Variants in SPOP observed in about 807,000 individuals in gnomAD.
SPOP encodes the protein speckle type BTB/POZ protein, also known as speckle-type POZ protein.
A neutral mutation model predicts 45.6 loss-of-function variants in SPOP; 11 were observed. That is an observed-to-expected ratio of 0.24 (90% CI 0.15 to 0.40). The LOEUF is 0.40. Among genes scored for constraint, SPOP ranks in the 10% least tolerant of loss-of-function variants. The probability of loss-of-function intolerance (pLI) is 1.00; values close to 1 mark genes in which losing one functional copy is unlikely to be tolerated. For missense variants in SPOP, 152 were observed against 465.6 expected, an observed-to-expected ratio of 0.33 and a Z score of 6.20; for synonymous variants, 166 against 166.3, an observed-to-expected ratio of 1.00 and a Z score of 0.01.
chr17:49,675,030 AAAC>A (rs1415092784), intron 1 of SPOP, among the ~76,000 whole-genome samples: 1 of 152,228 alleles, frequency 6.6e-6, no homozygotes, highest in Non-Finnish European at 1.5e-5. Context: ...GTTGGTGAGA[AAAC>A]AGGCAGACTC....
chr17:49,641,263 C>CCAAAAA (rs1471499104), intron 1 of SPOP, among the ~76,000 whole-genome samples: 1 of 47,548 alleles, frequency 2.1e-5, no homozygotes, highest in African/African-American at 7.8e-5. Flanking sequence ...ACTCTGTCTC[C>CCAAAAA]AAAAAAAAAA....
chr17:49,649,243 A>G (rs1055047455), intron 1 of SPOP, among the ~76,000 whole-genome samples: 1 of 152,162 alleles, frequency 6.6e-6, no homozygotes, highest in Non-Finnish European at 1.5e-5. Context: ...TAATTGATAG[A>G]AAGTAAACTA....
At chr17:49,664,719 G>A (rs2073030741) in intron 1 of SPOP, among the ~76,000 whole-genome samples, 1 of 152,170 alleles carries the variant, frequency 6.6e-6, no homozygotes, top group African/African-American at 2.4e-5. Context: ...ACCTGGGGCA[G>A]GTATCTGGCC....
At chr17:49,613,827 G>T (rs1162200221) in intron 5 of SPOP, among the ~76,000 whole-genome samples, 1 of 152,174 alleles carries the variant, frequency 6.6e-6, no homozygotes, top group Non-Finnish European at 1.5e-5. Context: ...GTTTTCCTCT[G>T]CAAATGATGA....
At chr17:49,624,613 C>T (rs540387599) in intron 1 of SPOP, among the ~76,000 whole-genome samples, 2 of 151,992 alleles carry the variant, frequency 1.3e-5, no homozygotes, top group Non-Finnish European at 2.9e-5. Flanking sequence ...GGACTACAGG[C>T]GTGCACCACC....
intron 1 of SPOP, among the ~76,000 whole-genome samples, chr17:49,629,235 A>C (rs998564262): frequency 5.3e-5 from 8 of 151,966 alleles, no homozygotes; most frequent in African/African-American, 1.7e-4. Flanking sequence ...GCAAGACTCT[A>C]TCTCAAAAAA....
chr17:49,608,834 G>A (rs373336605), intron 6 of SPOP, among the ~76,000 whole-genome samples: 3 of 152,018 alleles, frequency 2.0e-5, no homozygotes, highest in African/African-American at 7.2e-5. Flanking sequence ...GAAAGGTTTT[G>A]AGCTAACAGA....
chr17:49,614,010 A>G (rs908384499), intron 5 of SPOP, among the ~76,000 whole-genome samples: 1 of 152,206 alleles, frequency 6.6e-6, no homozygotes, highest in African/African-American at 2.4e-5. Context: ...AATCTCCTTA[A>G]CTTCAAGTTG....
intron 8 of SPOP, among the ~76,000 whole-genome samples, chr17:49,606,063 TTTAAA>T (rs1435571124): frequency 2.0e-5 from 3 of 152,148 alleles, no homozygotes; most frequent in Admixed American, 6.5e-5. Context: ...TCCTGTATAC[TTTAAA>T]TTAGCCCTAT....
At chr17:49,618,887 T>C in intron 5 of SPOP, 94 bp downstream of exon 5, 8 of 1,451,412 alleles carry the variant, frequency 5.5e-6, no homozygotes, top group Non-Finnish European at 7.4e-6. Flanking sequence ...CTTGGGGCTT[T>C]TTCTTACTCT....
intron 1 of SPOP, among the ~76,000 whole-genome samples, chr17:49,675,027 A>G (rs898828921): frequency 6.6e-6 from 1 of 152,240 alleles, no homozygotes; most frequent in Non-Finnish European, 1.5e-5. Flanking sequence ...AGTGTTGGTG[A>G]GAAAACAGGC....
intron 5 of SPOP, among the ~76,000 whole-genome samples, chr17:49,612,246 C>T (rs901175942): frequency 6.6e-6 from 1 of 152,160 alleles, no homozygotes; most frequent in African/African-American, 2.4e-5. Flanking sequence ...GCACATAAAA[C>T]GCATCTTCTA....
intron 1 of SPOP, among the ~76,000 whole-genome samples, chr17:49,666,761 G>C (rs2073064900): frequency 6.6e-6 from 1 of 152,198 alleles, no homozygotes; most frequent in Non-Finnish European, 1.5e-5. Context: ...CTGGCAGGCA[G>C]AGGTGGCAGT....
chr17:49,628,442 A>G (rs899730903), intron 1 of SPOP, among the ~76,000 whole-genome samples: 9 of 152,088 alleles, frequency 5.9e-5, no homozygotes, highest in Non-Finnish European at 8.8e-5. Context: ...TTATAAGACC[A>G]TGAAGTCATT....
chr17:49,607,766 A>G (rs777832603), intron 7 of SPOP, 108 bp downstream of exon 7: 5 of 1,111,618 alleles, frequency 4.5e-6, no homozygotes, highest in Non-Finnish European at 6.7e-6. Flanking sequence ...CTCATACTCC[A>G]TTTTAGTAAG....
At chr17:49,627,079 G>A (rs1487498277) in intron 1 of SPOP, among the ~76,000 whole-genome samples, 1 of 152,162 alleles carries the variant, frequency 6.6e-6, no homozygotes, top group Non-Finnish European at 1.5e-5. Flanking sequence ...TCGATCTCCT[G>A]ACCTCGTGAT....
chr17:49,621,528 C>T (rs2143292236), intron 3 of SPOP, among the ~76,000 whole-genome samples: 1 of 152,326 alleles, frequency 6.6e-6, no homozygotes, highest in South Asian at 2.1e-4. Context: ...ATCTAGATTT[C>T]TTGCTTTTCT....
At chr17:49,634,065 C>G (rs1431164509) in intron 1 of SPOP, among the ~76,000 whole-genome samples, 1 of 151,348 alleles carries the variant, frequency 6.6e-6, no homozygotes, top group East Asian at 1.9e-4. Flanking sequence ...TCAGATTAGA[C>G]TTTTCCACAC....
intron 1 of SPOP, among the ~76,000 whole-genome samples, chr17:49,650,895 G>A (rs2072835168): frequency 6.6e-6 from 1 of 152,132 alleles, no homozygotes; most frequent in Non-Finnish European, 1.5e-5. Context: ...AAATAGCTCT[G>A]GAGATATAAA....
Sources: allele counts gnomAD v4.1 joint callset (sites outside exome capture counted in the v4.1 genomes callset), GRCh38; gene constraint gnomAD v4.1.1; transcripts MANE v1.5; gene names NCBI Gene and HGNC (gene_info 2026-07-23, HGNC 2026-07-21).